The following GCC2 variants were observed in gnomAD, a reference collection of about 807,000 sequenced individuals.
GCC2 encodes GRIP and coiled-coil domain-containing protein 2.
A neutral mutation model predicts 210.6 loss-of-function variants in GCC2; 120 were observed. That is an observed-to-expected ratio of 0.57 (90% CI 0.49 to 0.66). GCC2 has a LOEUF of 0.66. Ranked by LOEUF, GCC2 falls within the 30% of genes least tolerant of loss-of-function variation. GCC2 has a pLI of 0.00. For missense variants in GCC2, 1,868 were observed against 1,871.9 expected (o/e 1.00, Z 0.04); for synonymous variants, 703 against 652.7 (o/e 1.08, Z -1.17).
In GCC2 at chr2:108,469,003, T is replaced by C; in HGVS notation, c.240T>C (p.Ala80=). ...IIKALTERLD[A]LLLEKAETEQ... The stretch of plus-strand genomic sequence containing the variant: ...AGGCATTAACTGAACGTCTGGATGC[T>C]CTTCTTCTGGAAAAAGCAGAGACTG... Residue 80 remains alanine, a synonymous_variant, in exon 5 of 23, where the codon GCT becomes GCC. Transcript: ENST00000309863. 2 of 1,612,346 alleles carry C rather than the reference T, an allele frequency of 1.2e-6. No homozygotes were observed. Among genetic ancestry groups the C allele is most frequent in the Non-Finnish European group, 1.7e-6 (2 of 1,178,544 alleles).
At chr2:108,505,457 C>T (rs1683136007) in intron 22 of GCC2, among the ~76,000 whole-genome samples, 1 of 152,078 alleles carries the variant, frequency 6.6e-6, no homozygotes, top group Non-Finnish European at 1.5e-5. Context: ...CCTTGAGAGC[C>T]AGTAGGCTAA....
At chr2:108,506,472 G>A (rs1370961850) in intron 22 of GCC2, among the ~76,000 whole-genome samples, 1 of 152,210 alleles carries the variant, frequency 6.6e-6, no homozygotes, top group African/African-American at 2.4e-5. Context: ...GAAGCAGCCA[G>A]GGAGAACTTT....
chr2:108,477,298 A>G (rs983482137), intron 9 of GCC2, among the ~76,000 whole-genome samples: 3 of 152,224 alleles, frequency 2.0e-5, no homozygotes, highest in African/African-American at 7.2e-5. Context: ...CTGCATAACA[A>G]CAAACAGGTG....
At chr2:108,460,218 T>C (rs957588319) in intron 4 of GCC2, among the ~76,000 whole-genome samples, 2 of 152,220 alleles carry the variant, frequency 1.3e-5, no homozygotes, top group South Asian at 2.1e-4. Flanking sequence ...GGAATATCTT[T>C]TTCCATGCTT....
chr2:108,500,798 A>G (rs143677129), intron 22 of GCC2, among the ~76,000 whole-genome samples: 1 of 152,124 alleles, frequency 6.6e-6, no homozygotes, highest in African/African-American at 2.4e-5. Flanking sequence ...TTTGGCGTAA[A>G]TAGGGGAGAG....
At chr2:108,498,961 T>C (rs1285482755) in intron 21 of GCC2, among the ~76,000 whole-genome samples, 1 of 149,458 alleles carries the variant, frequency 6.7e-6, no homozygotes, top group Non-Finnish European at 1.5e-5. Context: ...AACCCATGGC[T>C]CCAGTTAGTT....
chr2:108,472,852 T>TA lies in GCC2; in HGVS notation c.2819dup (p.Asn940LysfsTer2). 6.3e-7 allele frequency: 1 copy of TA among 1,595,154 alleles called. No individual in the cohort carries two copies. Among genetic ancestry groups the TA allele is most frequent in the South Asian group, 1.1e-5 (1 of 88,016 alleles). On this transcript the variant is annotated frameshift_variant, in exon 7 of 23. Coordinates refer to ENST00000309863, the MANE Select transcript of GCC2 (RefSeq NM_181453.4). LOFTEE classifies it high-confidence loss of function. The stretch of plus-strand genomic sequence containing the variant: ...GATTCCTTAGCAAAATCACCTTCTG[T>TA]AAAAAATGATCCTCTGTCTTCAGTA...
At position 108,485,819 on chromosome 2, in the gene GCC2, C is replaced by T. The variant is rs768609680; in HGVS notation, c.3715-12C>T. 6.5e-7 allele frequency: 1 copy of T among 1,536,578 alleles called. No homozygotes were observed. Among genetic ancestry groups the T allele is most frequent in the Non-Finnish European group, 8.8e-7 (1 of 1,131,186 alleles). On this transcript the variant is annotated splice_polypyrimidine_tract_variant and intron_variant, in intron 14 of 22. Transcript: ENST00000309863. ...CATTAAAAAAAATTTAACCAAGATT[C>T]TCATTCTATAGGAAACTGATCACTT...
chr2:108,469,760 A>T lies in GCC2; in HGVS notation c.431A>T (p.Lys144Ile), dbSNP rs1171350569. The part of the protein sequence containing the change: ...LKNELMAVRS[K>I]YSEDKANLQK... Reference sequence around the variant, plus strand: ...AATGAGTTGATGGCAGTACGTTCCAAATACAGTGAAGACAAAGCTAACTTA... The same window carrying T: ...AATGAGTTGATGGCAGTACGTTCCATATACAGTGAAGACAAAGCTAACTTA... Residue 144 changes from lysine to isoleucine, a missense_variant, in exon 6 of 23, where the codon AAA becomes ATA. Lys to Ile is a moderately radical substitution (Grantham distance 102). Transcript: ENST00000309863. The T allele has an allele frequency of 6.2e-7, 1 of 1,613,736 alleles. No homozygotes were observed. Among genetic ancestry groups the T allele is most frequent in the African/African-American group, 1.3e-5 (1 of 74,928 alleles).
intron 4 of GCC2, among the ~76,000 whole-genome samples, chr2:108,460,838 C>A (rs1350189832): frequency 6.6e-6 from 1 of 152,152 alleles, no homozygotes; most frequent in Non-Finnish European, 1.5e-5. Flanking sequence ...TTCCTCCTTG[C>A]TTTTCTCATG....
At chr2:108,465,811 G>A (rs1481883293) in intron 4 of GCC2, among the ~76,000 whole-genome samples, 1 of 152,080 alleles carries the variant, frequency 6.6e-6, no homozygotes, top group African/African-American at 2.4e-5. Flanking sequence ...TCCCACCAGC[G>A]GTGTATAAGT....
In GCC2 at chr2:108,492,799, G is replaced by A; in HGVS notation, c.4447+9G>A. On this transcript the variant is annotated intron_variant, in intron 19 of 22. Transcript: ENST00000309863. ...TGAACCGACCACAAGAAGTATGTAT[G>A]TACACATGGAAATATTAGTTGTTCA... The A allele has an allele frequency of 6.4e-7, 1 of 1,558,588 alleles. No individual in the cohort carries two copies. The highest frequency in any genetic ancestry group is 8.9e-7 in the Non-Finnish European group (1 of 1,129,290).
At chr2:108,476,825 G>A (rs765581946) in intron 9 of GCC2, among the ~76,000 whole-genome samples, 20 of 152,000 alleles carry the variant, frequency 1.3e-4, no homozygotes, top group Non-Finnish European at 2.6e-4. Context: ...GGCAATAACA[G>A]GCAAACATAC....
intron 1 of GCC2, among the ~76,000 whole-genome samples, 154 bp from the exon 2 acceptor site, chr2:108,449,479 A>C (rs1027563098): frequency 6.6e-6 from 1 of 152,130 alleles, no homozygotes; most frequent in African/African-American, 2.4e-5. Flanking sequence ...ACGAATTGCC[A>C]CAGCGACCGC....
At chr2:108,458,885 C>T (rs1680405149) in intron 4 of GCC2, among the ~76,000 whole-genome samples, 2 of 151,906 alleles carry the variant, frequency 1.3e-5, no homozygotes. Context: ...TTTGTTGATC[C>T]TCTGCCTTTT....
chr2:108,452,315 G>A (rs1169235528), intron 3 of GCC2, 84 bp from the exon 4 acceptor site: 2 of 784,554 alleles, frequency 2.5e-6, no homozygotes, highest in Admixed American at 2.0e-5. Flanking sequence ...TTTATGGGGG[G>A]TTTTGTGAGA....
intron 21 of GCC2, among the ~76,000 whole-genome samples, chr2:108,498,773 T>C (rs1331079844): frequency 6.6e-6 from 1 of 151,938 alleles, no homozygotes; most frequent in Non-Finnish European, 1.5e-5. Context: ...TCTGAACTTT[T>C]GTTTTGATTA....
chr2:108,475,875 A>T, intron 9 of GCC2, 25 bp downstream of exon 9: 2 of 1,207,760 alleles, frequency 1.7e-6, no homozygotes, highest in Non-Finnish European at 2.4e-6. Flanking sequence ...TTTTAATAAC[A>T]AGTTATAAAA....
chr2:108,492,715 G>A lies in GCC2; in HGVS notation c.4372G>A (p.Val1458Met), dbSNP rs200216159. The A allele has an allele frequency of 5.1e-5, 82 of 1,614,014 alleles. No individual in the cohort carries two copies. In the East Asian group the frequency reaches 1.4e-3, roughly 27 times the overall value. Reference sequence around the variant, plus strand: ...TTTGCAGGAAGAACACAGAAAGACAGTGGAGACATTACAGCAGCAGCTCTC... The same window carrying A: ...TTTGCAGGAAGAACACAGAAAGACAATGGAGACATTACAGCAGCAGCTCTC... ...RHLQEEHRKT[V>M]ETLQQQLSKM... The change falls in exon 19 of 23, where the codon GTG (valine) becomes ATG (methionine). Residue 1458 changes from valine to methionine, a missense_variant. Around this residue, in one of 3 missense-constraint regions of GCC2, gnomAD observed 1,847 missense variants for 1,765.2 expected, o/e 1.05. Transcript: ENST00000309863.
Sources: gnomAD v4.1 joint callset for allele counts (sites outside exome capture counted in the v4.1 genomes callset) on GRCh38, gnomAD v4.1.1 for gene constraint, gnomAD v4.1.1 regional missense constraint, MANE v1.5 for transcripts, NCBI Gene and HGNC (gene_info 2026-07-23, HGNC 2026-07-21) for gene names.